The following WDR59 variants were observed in gnomAD, a reference collection of about 807,000 sequenced individuals.
WDR59 encodes WD repeat domain 59.
Under a neutral mutation model 131.2 loss-of-function variants are expected in WDR59, and 100 were observed. That is an observed-to-expected ratio of 0.76 (90% CI 0.65 to 0.90). WDR59 has a LOEUF of 0.90. Ranked by LOEUF, WDR59 falls within the 40% of genes least tolerant of loss-of-function variation. WDR59 has a pLI of 0.00. For missense variants in WDR59, 1,203 were observed against 1,262.2 expected (o/e 0.95, Z 0.71); for synonymous variants, 601 against 466.2 (o/e 1.29, Z -3.72).
intron 8 of WDR59, among the ~76,000 whole-genome samples, chr16:74,931,394 G>A (rs888250308): frequency 2.6e-5 from 4 of 152,034 alleles, no homozygotes; most frequent in South Asian, 4.2e-4. Flanking sequence ...GGAGTGCAGC[G>A]GCACAATCTT....
At chr16:74,917,304 G>A (rs552918465) in intron 11 of WDR59, among the ~76,000 whole-genome samples, 1 of 152,312 alleles carries the variant, frequency 6.6e-6, no homozygotes, top group Non-Finnish European at 1.5e-5. Context: ...TACAAGGGTA[G>A]GCTTCTTAGC....
chr16:74,954,062 T>A (rs541297121), intron 3 of WDR59, among the ~76,000 whole-genome samples: 1 of 150,856 alleles, frequency 6.6e-6, no homozygotes, highest in African/African-American at 2.4e-5. Flanking sequence ...AAATGACATA[T>A]ACGTGGCCAA....
At chr16:74,903,049 T>A (rs545281353) in intron 18 of WDR59, among the ~76,000 whole-genome samples, 10 of 152,356 alleles carry the variant, frequency 6.6e-5, no homozygotes, top group African/African-American at 2.4e-4. Flanking sequence ...GATGGTCAAC[T>A]CTCAGTGTAA....
intron 2 of WDR59, among the ~76,000 whole-genome samples, chr16:74,961,633 C>T (rs528521373): frequency 9.9e-5 from 15 of 152,018 alleles, no homozygotes; most frequent in African/African-American, 2.4e-4. Flanking sequence ...CACTTTTTAA[C>T]GGGGTTGTTT....
At chr16:74,969,989 T>A (rs2033918159) in intron 1 of WDR59, among the ~76,000 whole-genome samples, 1 of 151,410 alleles carries the variant, frequency 6.6e-6, no homozygotes, top group African/African-American at 2.4e-5. Flanking sequence ...AGTGGCTCAA[T>A]CTCAGCTCAC....
At position 74,978,664 on chromosome 16, in the gene WDR59, A is replaced by T. The variant is rs538188517; in HGVS notation, c.54+6300T>A. On this transcript the variant is annotated intron_variant, in intron 1 of 25. Coordinates refer to ENST00000262144, the MANE Select transcript of WDR59 (RefSeq NM_030581.4). ...CTGTTTGGAGTGATGGAAACGTTCT[A>T]CATCATGATTACGGCAGTGGTTACA... 1.6e-4 allele frequency among the ~76,000 whole-genome samples: 24 copies of T among 152,356 alleles called. No individual in the cohort carries two copies. The East Asian group carries it at 1.7e-3, about 11-fold the overall frequency.
intron 2 of WDR59, among the ~76,000 whole-genome samples, chr16:74,963,768 G>C (rs569072799): frequency 6.6e-6 from 1 of 152,188 alleles, no homozygotes; most frequent in Admixed American, 6.6e-5. Flanking sequence ...TTTTTAAAAA[G>C]AAGAGAAAAT....
At chr16:74,928,524 C>T (rs1397523789) in intron 8 of WDR59, among the ~76,000 whole-genome samples, 2 of 151,794 alleles carry the variant, frequency 1.3e-5, no homozygotes, top group East Asian at 3.9e-4. Context: ...CAGCTTTTTT[C>T]CCTGTTCTTG....
chr16:74,970,526 A>AAAAAAAAAAC (rs1210461650), intron 1 of WDR59, among the ~76,000 whole-genome samples: 3 of 143,198 alleles, frequency 2.1e-5, no homozygotes, highest in Non-Finnish European at 4.5e-5. Flanking sequence ...AAAAAAAAAA[A>AAAAAAAAAAC]AGCAGCTCTC....
chr16:74,906,197 C>T (rs369944119), intron 17 of WDR59, among the ~76,000 whole-genome samples: 20 of 150,724 alleles, frequency 1.3e-4, no homozygotes, highest in African/African-American at 4.6e-4. Flanking sequence ...GCCTATAGGC[C>T]CAGCTACTCG....
At chr16:74,956,113 G>A (rs2033277336) in intron 3 of WDR59, among the ~76,000 whole-genome samples, 1 of 152,088 alleles carries the variant, frequency 6.6e-6, no homozygotes, top group Non-Finnish European at 1.5e-5. Flanking sequence ...CTCCACACCA[G>A]CTCGCCAGTT....
intron 11 of WDR59, 118 bp from the exon 12 acceptor site, chr16:74,916,377 A>T: frequency 1.3e-5 from 16 of 1,270,868 alleles, no homozygotes; most frequent in Non-Finnish European, 1.8e-5. Context: ...GTGTCAGCCA[A>T]GAGCTGACAT....
intron 3 of WDR59, among the ~76,000 whole-genome samples, chr16:74,951,794 C>G (rs767624719): frequency 1.3e-5 from 2 of 152,126 alleles, no homozygotes; most frequent in African/African-American, 4.8e-5. Flanking sequence ...GCATCTTGAA[C>G]AGTCACAGCT....
intron 20 of WDR59, 133 bp downstream of exon 20, chr16:74,892,351 G>A (rs992102841): frequency 1.2e-6 from 1 of 831,360 alleles, no homozygotes; most frequent in Non-Finnish European, 1.9e-6. Flanking sequence ...CCTACAGACT[G>A]GCAAAGAAAA....
rs762679131 is a variant in WDR59, at chr16:74,912,376, A to G, written c.1225-14T>C. ...TGCCGCATCCATCTGCAAGAGACAAATCCACAATTGCTGTAGAAACAAACC... is the reference window on the plus strand; with the variant it reads ...TGCCGCATCCATCTGCAAGAGACAAGTCCACAATTGCTGTAGAAACAAACC... On this transcript the variant is annotated splice_polypyrimidine_tract_variant and intron_variant, in intron 13 of 25. Coordinates refer to ENST00000262144, the MANE Select transcript of WDR59 (RefSeq NM_030581.4). The G allele has an allele frequency of 5.6e-6, 9 of 1,605,798 alleles. No individual in the cohort carries two copies. The Admixed American group carries it at 1.5e-4, about 27-fold the overall frequency.
At chr16:74,954,528 G>C (rs74903438) in intron 3 of WDR59, among the ~76,000 whole-genome samples, 1 of 152,180 alleles carries the variant, frequency 6.6e-6, no homozygotes, top group Non-Finnish European at 1.5e-5. Context: ...GGAAAAACTG[G>C]AACTCTGTGC....
intron 17 of WDR59, chr16:74,908,681 C>A: frequency 2.5e-6 from 1 of 407,616 alleles, no homozygotes; most frequent in South Asian, 9.9e-5. Context: ...TTGACAATAG[C>A]TTTTATCAAG....
intron 1 of WDR59, among the ~76,000 whole-genome samples, chr16:74,975,035 C>CT (rs1444726321): frequency 6.6e-6 from 1 of 152,152 alleles, no homozygotes; most frequent in Non-Finnish European, 1.5e-5. Context: ...GAACCCCCAA[C>CT]ACAAGTAGGC....
intron 25 of WDR59, among the ~76,000 whole-genome samples, chr16:74,882,807 CAAAAAAAAAAAAAA>C (rs569507124): frequency 1.9e-4 from 10 of 51,422 alleles, no homozygotes; most frequent in Admixed American, 3.4e-4. Flanking sequence ...AACACTGTCT[CAAAAAAAAAAAAAA>C]AAAAAAAAAA....
Sources: allele counts gnomAD v4.1 joint callset (sites outside exome capture counted in the v4.1 genomes callset), GRCh38; gene constraint gnomAD v4.1.1; transcripts MANE v1.5; gene names NCBI Gene and HGNC (gene_info 2026-07-23, HGNC 2026-07-21).